The following KLHL22 variants were observed in gnomAD, a reference collection of about 807,000 sequenced individuals.
KLHL22 encodes the protein kelch like family member 22.
A neutral mutation model predicts 60.7 loss-of-function variants in KLHL22; 18 were observed. That is an observed-to-expected ratio of 0.30 (90% CI 0.20 to 0.44). The LOEUF is 0.44. KLHL22 is among the 20% of genes least tolerant of loss of function. The pLI is 1.00. For synonymous variants in KLHL22, 355 were observed against 354.5 expected (o/e 1.00, Z -0.01); for missense variants, 596 against 852.3 (o/e 0.70, Z 3.74).
chr22:20,476,131 T>C (rs1420782741), intron 2 of KLHL22, among the ~76,000 whole-genome samples: 3 of 152,202 alleles, frequency 2.0e-5, no homozygotes, highest in African/African-American at 4.8e-5. Flanking sequence ...CATTTGGAAG[T>C]CTTATAAGTC....
chr22:20,489,379 T>C (rs1305903856), intron 1 of KLHL22, 135 bp from the exon 2 acceptor site: 4 of 669,078 alleles, frequency 6.0e-6, no homozygotes, highest in Middle Eastern at 4.1e-4. Context: ...TATTTCCAAA[T>C]CCCCTAATTC....
In KLHL22 at chr22:20,465,744, T is replaced by G. The variant is rs557989237; in HGVS notation, c.394-168A>C. 2.8e-5 allele frequency: 17 copies of G among 615,988 alleles called. No homozygotes were observed. The East Asian group carries it at 4.6e-4, about 17-fold the overall frequency. 38.2% of individuals were successfully genotyped at this position (615,988 alleles called of 1,614,324 possible). ...TGACACACTGGAGACTGGGGCTTAC[T>G]GCAGACTAGGTTTAAGTCCTGGTTT... On this transcript the variant is annotated intron_variant, in intron 3 of 6. Transcript: ENST00000328879. This position sits in a 1 kb window ranked among gnomAD's most constrained non-coding sequence, Gnocchi z 4.9.
rs149344768 is a variant in KLHL22 at position 20,490,638 on chromosome 22, G to A, written c.-33-1394C>T. On this transcript the variant is annotated intron_variant, in intron 1 of 6. Coordinates refer to ENST00000328879, the MANE Select transcript of KLHL22 (RefSeq NM_032775.4). ...CTTTCTTGGAAGACAATTTTTCCAC[G>A]GGGTCGGGGAATGGTTTCGGGATCA... Among the ~76,000 whole-genome samples, 121 of 152,254 alleles carry A rather than the reference G, an allele frequency of 7.9e-4. 3 individuals carry two copies. In the East Asian group the frequency reaches 0.019, roughly 24 times the overall value.
At chr22:20,451,081 G>A in intron 5 of KLHL22, 1 of 1,459,586 alleles carries the variant, frequency 6.9e-7, no homozygotes, top group Non-Finnish European at 9.6e-7. Context: ...GAGATGTTAT[G>A]TGGCCTCAGT....
rs772812304 is a variant in KLHL22, at chr22:20,471,981, T to G, written c.228-466A>C. Among the ~76,000 whole-genome samples the G allele has an allele frequency of 1.1e-4, 17 of 152,322 alleles. No homozygotes were observed. In the Middle Eastern group the frequency reaches 0.024, roughly 213 times the overall value. ...GCAGAAGGAGGCCAGGCACGGTGAC[T>G]CACACCTGTAATCCCAGCACTTTGG... On this transcript the variant is annotated intron_variant, in intron 2 of 6. Transcript: ENST00000328879.
chr22:20,457,692 C>T (rs1002775990), intron 5 of KLHL22, 116 bp downstream of exon 5: 4 of 753,742 alleles, frequency 5.3e-6, no homozygotes, highest in African/African-American at 5.3e-5. Flanking sequence ...GGATTCTGCT[C>T]ACTGAGCCTG....
At chr22:20,462,793 T>C (rs753214396) in intron 4 of KLHL22, among the ~76,000 whole-genome samples, 10 of 152,078 alleles carry the variant, frequency 6.6e-5, no homozygotes, top group Non-Finnish European at 1.2e-4. Context: ...GCAGATAATA[T>C]AGATGCAAAG....
intron 3 of KLHL22, among the ~76,000 whole-genome samples, chr22:20,467,587 A>T (rs165889): frequency 0.64 from 98,079 of 152,130 alleles, 31,777 homozygotes; most frequent in Admixed American, 0.75. Context: ...AAAAATGGGA[A>T]TACCTGGCTT....
rs757127933 is a variant in KLHL22 at position 20,457,847 on chromosome 22, G to A, written c.1266C>T (p.Ala422=). The A allele has an allele frequency of 4.2e-5, 67 of 1,608,904 alleles. 1 individual carries two copies. The East Asian group carries it at 1.5e-3, about 36-fold the overall frequency. The part of the protein sequence containing the change: ...DLNAVERYDP[A]TNSWAYVAPL... ...GGGCCACGTATGCCCAGGAGTTGGT[G>A]GCAGGGTCGTAGCGCTCCACAGCAT... The change falls in exon 5 of 7, where the codon GCC becomes GCT. Residue 422 remains alanine (A), a synonymous_variant. Coordinates refer to ENST00000328879, the MANE Select transcript of KLHL22 (RefSeq NM_032775.4).
chr22:20,483,920 G>GCCCCCAGA, intron 2 of KLHL22: 1 of 677,262 alleles, frequency 1.5e-6, no homozygotes, highest in Non-Finnish European at 2.7e-6. Context: ...CCGCGGCCAG[G>GCCCCCAGA]CCCCCAGACC....
At chr22:20,479,182 G>A (rs2053460404) in intron 2 of KLHL22, among the ~76,000 whole-genome samples, 1 of 151,910 alleles carries the variant, frequency 6.6e-6, no homozygotes, top group East Asian at 2.0e-4. Flanking sequence ...CTGGGCTCAA[G>A]TGATGCTTCT....
chr22:20,468,005 A>G (rs1019145465), intron 3 of KLHL22, among the ~76,000 whole-genome samples: 3 of 152,200 alleles, frequency 2.0e-5, no homozygotes, highest in African/African-American at 7.2e-5. Context: ...CTTTTTTAAA[A>G]TTCAAAAGAC....
At position 20,446,532 on chromosome 22, in the gene KLHL22, C is replaced by T. The variant is rs1340471882; in HGVS notation, c.1450G>A (p.Ala484Thr). Residue 484 changes from alanine (A) to threonine (T), a missense_variant, in exon 6 of 7, where the codon GCC becomes ACC. Physicochemically the swap from Ala to Thr is moderately conservative, Grantham distance 58. Transcript: ENST00000328879. ...AGGAGGGTTGCCATGCCGTGCCAGG[C>T]GCGCCGCACAGGCCCATCAGCCAGT... ...HTLADGPVRRAWHGMATLLNK... is the reference protein window; with the variant it reads ...HTLADGPVRRTWHGMATLLNK... 6 of 1,613,544 alleles carry T rather than the reference C, an allele frequency of 3.7e-6. No individual in the cohort carries two copies. Among genetic ancestry groups the T allele is most frequent in the South Asian group, 2.2e-5 (2 of 91,084 alleles).
intron 2 of KLHL22, among the ~76,000 whole-genome samples, chr22:20,486,249 T>C (rs1164173313): frequency 6.6e-6 from 1 of 151,292 alleles, no homozygotes; most frequent in Non-Finnish European, 1.5e-5. Context: ...TCAGCCTCCC[T>C]CTCCCTTTGC....
Position 20,442,365 on chromosome 22 carries a change from C to T in KLHL22, c.1613G>A (p.Gly538Asp). ...CPLPAGHGEP[G>D]IAVLDNRIYV... ...GATCCTGTTGTCCAGCACAGCAATG[C>T]CAGGCTCACCGTGCCCAGCAGGGAG... Residue 538 changes from glycine to aspartate, a missense_variant, in exon 7 of 7, where the codon GGC (glycine) becomes GAC (aspartate). Gly to Asp is a moderately conservative substitution (Grantham distance 94, BLOSUM62 -1). Transcript: ENST00000328879. The T allele has an allele frequency of 6.2e-7, 1 of 1,613,714 alleles. No homozygotes were observed. Among genetic ancestry groups the T allele is most frequent in the Non-Finnish European group, 8.5e-7 (1 of 1,179,896 alleles).
chr22:20,483,980 A>C lies in KLHL22; in HGVS notation c.227+5005T>G, dbSNP rs2053546883. 4.3e-6 allele frequency: 3 copies of C among 699,750 alleles called. No individual in the cohort carries two copies. The South Asian group carries it at 4.3e-5, about 10-fold the overall frequency. The allele number at this position is 699,750 out of a possible 1,614,324, so 43.3% of individuals were successfully genotyped here. A position where few individuals can be genotyped will look rare whatever the true frequency, so the allele number is the denominator to read the frequency against. ...AGCGGGACACGAAGATCCAGGAACC[A>C]GAGCCCTCGGTGCCTGCATAGACGC... On this transcript the variant is annotated intron_variant, in intron 2 of 6. Coordinates refer to ENST00000328879, the MANE Select transcript of KLHL22 (RefSeq NM_032775.4).
In KLHL22 at chr22:20,458,006, C is replaced by T; in HGVS notation, c.1113-6G>A. 3 of 1,613,756 alleles carry T rather than the reference C, an allele frequency of 1.9e-6. No individual in the cohort carries two copies. The highest frequency in any genetic ancestry group is 2.5e-6 in the Non-Finnish European group (3 of 1,179,832). On this transcript the variant is annotated splice_region_variant and splice_polypyrimidine_tract_variant and intron_variant, in intron 4 of 6. Transcript: ENST00000328879. The stretch of plus-strand genomic sequence containing the variant: ...GGTTGTGCCGTGGGTCATACCTGTG[C>T]CGAGACATGAGGAAAGCACAGCACT...
rs1482680865 is a variant in KLHL22, at chr22:20,444,316, C to T, written c.1540-1878G>A. Among the ~76,000 whole-genome samples the T allele has an allele frequency of 2.0e-5, 3 of 152,178 alleles. No individual in the cohort carries two copies. In the South Asian group the frequency reaches 6.2e-4, roughly 32 times the overall value. On this transcript the variant is annotated intron_variant, in intron 6 of 6. Transcript: ENST00000328879. ...CTCCACAAAGGAAAGATGCCCTGAC[C>T]GCACCCTGGTTTTAGCCTGGCAAGG...
chr22:20,457,402 C>T (rs76477229), intron 5 of KLHL22, among the ~76,000 whole-genome samples: 3,805 of 152,214 alleles, frequency 0.025, 163 homozygotes, highest in African/African-American at 0.087. Flanking sequence ...GAGGATAGGC[C>T]AGTGAGCTCT....
Sources: allele counts gnomAD v4.1 joint callset (sites outside exome capture counted in the v4.1 genomes callset), GRCh38; gene constraint gnomAD v4.1.1; non-coding constraint Gnocchi (gnomAD v3.1); transcripts MANE v1.5; gene names NCBI Gene and HGNC (gene_info 2026-07-23, HGNC 2026-07-21).